The following HS6ST2 variants were observed in gnomAD, a reference collection of about 807,000 sequenced individuals.
HS6ST2 encodes heparan-sulfate 6-O-sulfotransferase 2.
Under a neutral mutation model 33.0 loss-of-function variants are expected in HS6ST2, and 17 were observed. The ratio of observed to expected loss-of-function variants is 0.52; its 90% confidence interval spans 0.35 to 0.77. HS6ST2 has a LOEUF of 0.77. Among genes scored for constraint, HS6ST2 ranks in the 30% least tolerant of loss-of-function variants. The pLI, the probability that HS6ST2 is intolerant of heterozygous loss-of-function variation, is 0.01. For synonymous variants in HS6ST2, 248 were observed against 237.1 expected (o/e 1.05, Z -0.42); for missense variants, 519 against 551.7 (o/e 0.94, Z 0.59).
chrX:132,949,572 C>T (rs1049875061), intron 2 of HS6ST2, among the ~76,000 whole-genome samples: 1 of 110,235 alleles, frequency 9.1e-6, no homozygotes, highest in Admixed American at 9.7e-5. Flanking sequence ...CTACTCTCCT[C>T]ATTAAAGGCT....
At chrX:132,945,141 C>A (rs1474169791) in intron 2 of HS6ST2, among the ~76,000 whole-genome samples, 1 of 111,970 alleles carries the variant, frequency 8.9e-6, no homozygotes, top group Non-Finnish European at 1.9e-5. Flanking sequence ...CTACAAAGAA[C>A]TCAAACAGAT....
At chrX:132,800,526 C>A (rs1283176163) in intron 2 of HS6ST2, among the ~76,000 whole-genome samples, 1 of 111,315 alleles carries the variant, frequency 9.0e-6, no homozygotes, top group Non-Finnish European at 1.9e-5. Context: ...ACATTGTTTT[C>A]CATGAAACTG....
At chrX:132,649,854 T>C (rs776068560) in intron 4 of HS6ST2, among the ~76,000 whole-genome samples, 1 of 66,811 alleles carries the variant, frequency 1.5e-5, no homozygotes, top group East Asian at 4.4e-4. Flanking sequence ...CGAGACTCTA[T>C]CTAAAAAAAA....
At chrX:132,836,092 C>A (rs887000586) in intron 2 of HS6ST2, among the ~76,000 whole-genome samples, 1 of 111,692 alleles carries the variant, frequency 9.0e-6, no homozygotes, top group Admixed American at 9.6e-5. Context: ...GTGGACCACA[C>A]ATTTTTTAGC....
At chrX:132,921,901 C>T (rs1242561962) in intron 2 of HS6ST2, among the ~76,000 whole-genome samples, 2 of 111,749 alleles carry the variant, frequency 1.8e-5, no homozygotes, top group Non-Finnish European at 3.8e-5. Flanking sequence ...TAATCGGGAC[C>T]CCTGGGCTTC....
At chrX:132,746,588 C>T (rs930118933) in intron 2 of HS6ST2, among the ~76,000 whole-genome samples, 5 of 112,290 alleles carry the variant, frequency 4.5e-5, no homozygotes, top group Admixed American at 2.8e-4. Context: ...GAAGCTCTGG[C>T]CTCCTCATAA....
chrX:132,916,397 T>G (rs1379281734), intron 2 of HS6ST2, among the ~76,000 whole-genome samples: 3 of 112,425 alleles, frequency 2.7e-5, no homozygotes, highest in African/African-American at 6.5e-5. Flanking sequence ...GAAAACATTA[T>G]ATTTCTTTAA....
At chrX:132,644,060 C>T (rs916193975) in intron 4 of HS6ST2, among the ~76,000 whole-genome samples, 2 of 111,227 alleles carry the variant, frequency 1.8e-5, no homozygotes, top group African/African-American at 3.3e-5. Context: ...TTACTCTAAA[C>T]GACATTGCCC....
Position 132,956,880 on chromosome X carries a change from T to C in HS6ST2, c.875A>G (p.Asp292Gly). Residue 292 changes from aspartate to glycine, a missense_variant, in exon 2 of 5, where the codon GAC becomes GGC. Coordinates refer to ENST00000370833, the MANE Select transcript of HS6ST2 (RefSeq NM_001394073.1). ...STGWSCGLHA[D>G]WTELTSCVPS... is the part of the protein sequence containing the mutation. ...CACACAGCTGGTGAGCTCGGTCCAGTCGGCGTGCAACCCGCAGCTCCAGCC... is the reference window on the plus strand; with the variant it reads ...CACACAGCTGGTGAGCTCGGTCCAGCCGGCGTGCAACCCGCAGCTCCAGCC... The C allele has an allele frequency of 4.2e-6, 5 of 1,190,030 alleles. No homozygotes were observed. The highest frequency in any genetic ancestry group is 5.7e-6 in the Non-Finnish European group (5 of 884,579).
chrX:132,858,902 G>T (rs1479321808), intron 2 of HS6ST2, among the ~76,000 whole-genome samples: 1 of 112,295 alleles, frequency 8.9e-6, no homozygotes, highest in African/African-American at 3.2e-5. Context: ...AGGTCGGCAT[G>T]GCCTCACTCC....
At chrX:132,945,888 A>G (rs1255790523) in intron 2 of HS6ST2, among the ~76,000 whole-genome samples, 3 of 106,437 alleles carry the variant, frequency 2.8e-5, no homozygotes. Context: ...ATTAGGAGAT[A>G]TACCTAATGT....
chrX:132,662,593 T>C (rs1198729573), intron 4 of HS6ST2, among the ~76,000 whole-genome samples: 5 of 112,275 alleles, frequency 4.5e-5, no homozygotes, highest in African/African-American at 1.6e-4. Flanking sequence ...CAAGGCTTGA[T>C]TAACAGAACA....
chrX:132,757,353 C>T (rs761042021), intron 2 of HS6ST2, among the ~76,000 whole-genome samples: 1 of 111,945 alleles, frequency 8.9e-6, no homozygotes, highest in African/African-American at 3.2e-5. Flanking sequence ...AAACAAGCCT[C>T]GAGCACAGAG....
At chrX:132,722,187 CAAAAAAAAA>C (rs1217492848) in intron 2 of HS6ST2, among the ~76,000 whole-genome samples, 2 of 44,301 alleles carry the variant, frequency 4.5e-5, no homozygotes, top group African/African-American at 1.8e-4. Context: ...GACTCCGTCT[CAAAAAAAAA>C]AAAAAAAAAA....
rs746998521 is a variant in HS6ST2, at chrX:132,907,853, C to G, written c.947+48955G>C. Among the ~76,000 whole-genome samples the G allele has an allele frequency of 3.7e-4, 41 of 112,163 alleles. 1 individual carries two copies. The highest frequency in any genetic ancestry group is 1.3e-3 in the African/African-American group (40 of 30,913). ...AAAACACAGTTGTAAATCTTCATGTCCTTGGATAGGCAATGACTTCTTAGC... is the reference window on the plus strand; with the variant it reads ...AAAACACAGTTGTAAATCTTCATGTGCTTGGATAGGCAATGACTTCTTAGC... On this transcript the variant is annotated intron_variant, in intron 2 of 4. Transcript: ENST00000370833.
intron 2 of HS6ST2, among the ~76,000 whole-genome samples, chrX:132,855,707 T>G (rs966657608): frequency 8.9e-6 from 1 of 112,135 alleles, no homozygotes; most frequent in Non-Finnish European, 1.9e-5. Context: ...TGTTTAATCC[T>G]CTACTCCCTA....
intron 2 of HS6ST2, among the ~76,000 whole-genome samples, chrX:132,858,412 T>C (rs927187029): frequency 5.3e-5 from 6 of 112,260 alleles, no homozygotes; most frequent in Middle Eastern, 4.2e-3. Flanking sequence ...ATGAAAAAAT[T>C]CTTCACAGTT....
chrX:132,849,351 T>C (rs1322664056), intron 2 of HS6ST2, among the ~76,000 whole-genome samples: 1 of 110,964 alleles, frequency 9.0e-6, no homozygotes, highest in Non-Finnish European at 1.9e-5. Context: ...AAGAGGTGTA[T>C]ACAGAAAAAA....
intron 2 of HS6ST2, among the ~76,000 whole-genome samples, chrX:132,838,810 C>T (rs2148395999): frequency 9.2e-6 from 1 of 109,263 alleles, no homozygotes; most frequent in African/African-American, 3.3e-5. Context: ...AAAAAGCGGG[C>T]AAAAGACATG....
Sources: allele counts gnomAD v4.1 joint callset (sites outside exome capture counted in the v4.1 genomes callset), GRCh38; gene constraint gnomAD v4.1.1; transcripts MANE v1.5; gene names NCBI Gene and HGNC (gene_info 2026-07-23, HGNC 2026-07-21).